Variants in CHST11 observed in about 807,000 individuals in gnomAD.
The protein encoded by CHST11 is C4S-1.
In CHST11, 9 loss-of-function variants were observed where a neutral mutation model predicts 30.4. The observed-to-expected ratio is 0.30, with a 90% CI of 0.18 to 0.52. The LOEUF is 0.52. Ranked by LOEUF, CHST11 falls within the 20% of genes least tolerant of loss-of-function variation. The pLI is 0.97. For synonymous variants in CHST11, 152 were observed against 187.8 expected, an observed-to-expected ratio of 0.81 and a Z score of 1.56; for missense variants, 348 against 460.6, an observed-to-expected ratio of 0.76 and a Z score of 2.24.
chr12:104,530,323 C>A (rs2038170248), intron 1 of CHST11, among the ~76,000 whole-genome samples: 1 of 152,184 alleles, frequency 6.6e-6, no homozygotes, highest in East Asian at 1.9e-4. Flanking sequence ...CCTATAAATT[C>A]CTCCACGTCC....
intron 2 of CHST11, among the ~76,000 whole-genome samples, chr12:104,643,128 A>T (rs1026977709): frequency 2.6e-5 from 4 of 151,614 alleles, no homozygotes; most frequent in Non-Finnish European, 5.9e-5. Context: ...GTTCAAGACT[A>T]GCCTGGGCAA....
At chr12:104,536,610 A>G (rs1419647171) in intron 1 of CHST11, among the ~76,000 whole-genome samples, 1 of 152,180 alleles carries the variant, frequency 6.6e-6, no homozygotes, top group African/African-American at 2.4e-5. Flanking sequence ...AACTGTGCTC[A>G]GCTTGGCTCT....
chr12:104,560,661 T>C (rs2038504914), intron 1 of CHST11, among the ~76,000 whole-genome samples: 1 of 152,222 alleles, frequency 6.6e-6, no homozygotes, highest in Non-Finnish European at 1.5e-5. Context: ...GGAGTGGTCT[T>C]GGATTTGTCA....
At chr12:104,659,473 G>A (rs1438866924) in intron 2 of CHST11, among the ~76,000 whole-genome samples, 1 of 152,156 alleles carries the variant, frequency 6.6e-6, no homozygotes, top group Admixed American at 6.5e-5. Flanking sequence ...CAGGGTGGTA[G>A]CCCTGAGCTC....
At chr12:104,541,670 T>A (rs2038288452) in intron 1 of CHST11, among the ~76,000 whole-genome samples, 1 of 152,228 alleles carries the variant, frequency 6.6e-6, no homozygotes, top group African/African-American at 2.4e-5. Context: ...CTTGCTTTGC[T>A]CCATCTCATG....
chr12:104,709,682 G>A (rs1046851359), intron 2 of CHST11, among the ~76,000 whole-genome samples: 4 of 152,090 alleles, frequency 2.6e-5, no homozygotes, highest in Non-Finnish European at 4.4e-5. Flanking sequence ...GGCACCCTGC[G>A]GTCCATTTCT....
intron 1 of CHST11, among the ~76,000 whole-genome samples, chr12:104,571,388 C>G (rs2038624548): frequency 6.6e-6 from 1 of 152,120 alleles, no homozygotes; most frequent in South Asian, 2.1e-4. Context: ...GTCTTGATCT[C>G]CTGACCTCAG....
intron 2 of CHST11, among the ~76,000 whole-genome samples, chr12:104,635,208 C>T (rs927308809): frequency 2.0e-5 from 3 of 152,212 alleles, no homozygotes; most frequent in African/African-American, 7.2e-5. Flanking sequence ...CGCACACCCT[C>T]ACATCACCTC....
chr12:104,634,503 G>A (rs1176229280), intron 2 of CHST11, among the ~76,000 whole-genome samples: 3 of 152,194 alleles, frequency 2.0e-5, no homozygotes, highest in Admixed American at 6.5e-5. Context: ...GATGCTCACG[G>A]TTTGTCCTTT....
intron 1 of CHST11, among the ~76,000 whole-genome samples, chr12:104,585,451 G>T (rs2038794617): frequency 6.6e-6 from 1 of 152,220 alleles, no homozygotes; most frequent in Non-Finnish European, 1.5e-5. Context: ...AGACAAGGGA[G>T]TGGACAATTA....
intron 2 of CHST11, among the ~76,000 whole-genome samples, chr12:104,687,205 C>T (rs1482070346): frequency 6.6e-6 from 1 of 152,254 alleles, no homozygotes; most frequent in Non-Finnish European, 1.5e-5. Context: ...CTCACCAGCT[C>T]TTCTGGAACT....
intron 1 of CHST11, among the ~76,000 whole-genome samples, chr12:104,486,734 A>G (rs894167412): frequency 5.9e-5 from 9 of 152,182 alleles, no homozygotes; most frequent in Admixed American, 5.2e-4. Context: ...AGCTGGAAAG[A>G]GCCCCTGAGC....
intron 2 of CHST11, among the ~76,000 whole-genome samples, chr12:104,699,169 A>G (rs1339769914): frequency 6.6e-6 from 1 of 152,188 alleles, no homozygotes; most frequent in Non-Finnish European, 1.5e-5. Flanking sequence ...GGAAAGCTGT[A>G]TTTTTGTAGA....
intron 1 of CHST11, among the ~76,000 whole-genome samples, chr12:104,527,424 T>C (rs941762404): frequency 2.0e-5 from 3 of 152,184 alleles, no homozygotes; most frequent in Admixed American, 1.3e-4. Flanking sequence ...TTTCTGACCT[T>C]GGGCAGAGCT....
chr12:104,539,948 A>G (rs1213911312), intron 1 of CHST11, among the ~76,000 whole-genome samples: 1 of 152,162 alleles, frequency 6.6e-6, no homozygotes, highest in Non-Finnish European at 1.5e-5. Flanking sequence ...TGCTGGGATT[A>G]CAAGTGTGAG....
At position 104,761,408 on chromosome 12, in the gene CHST11, T is replaced by C. The variant is rs2136152930; in HGVS notation, c.*3605T>C. ...GGTGGGGTCTGGATCAGTGCTGAGA[T>C]AGAGTTGGCAGAAGAAGCAGAGGCA... On this transcript the variant is annotated 3_prime_UTR_variant, in exon 3 of 3. Transcript: ENST00000303694. The C allele has an allele frequency of 6.6e-6, 1 of 151,144 alleles. No homozygotes were observed. The highest frequency in any genetic ancestry group is 2.5e-5 in the African/African-American group (1 of 40,524). 9.4% of individuals were successfully genotyped at this position (151,144 alleles called of 1,614,324 possible).
intron 1 of CHST11, among the ~76,000 whole-genome samples, chr12:104,571,790 C>A (rs1358060982): frequency 6.6e-6 from 1 of 152,144 alleles, no homozygotes; most frequent in African/African-American, 2.4e-5. Flanking sequence ...CTGTCTTGTG[C>A]CGGTTTTCAA....
intron 2 of CHST11, among the ~76,000 whole-genome samples, chr12:104,730,861 AC>A (rs1055867491): frequency 1.3e-5 from 2 of 152,204 alleles, no homozygotes; most frequent in African/African-American, 4.8e-5. Flanking sequence ...GAAGGGCTCT[AC>A]AAGGCTCCTG....
intron 2 of CHST11, among the ~76,000 whole-genome samples, chr12:104,644,975 G>A (rs2039412251): frequency 6.6e-6 from 1 of 152,176 alleles, no homozygotes; most frequent in African/African-American, 2.4e-5. Flanking sequence ...TTTTGAGACA[G>A]AGTCTTGCAC....
Sources: gnomAD v4.1 joint callset for allele counts (sites outside exome capture counted in the v4.1 genomes callset) on GRCh38, gnomAD v4.1.1 for gene constraint, MANE v1.5 for transcripts, NCBI Gene and HGNC (gene_info 2026-07-23, HGNC 2026-07-21) for gene names.